HPSE2: variants seen among roughly 807,000 people sequenced by gnomAD.
HPSE2 encodes inactive heparanase-2.
HPSE2 carries 38 observed loss-of-function variants against 60.5 expected under a neutral mutation model. The observed-to-expected ratio is 0.63, with a 90% CI of 0.48 to 0.82. The LOEUF (loss-of-function observed/expected upper bound fraction) is 0.82. Among genes scored for constraint, HPSE2 ranks in the 40% least tolerant of loss-of-function variants. The pLI is 0.00. For missense variants in HPSE2, 713 were observed against 740.4 expected (o/e 0.96, Z 0.43); for synonymous variants, 295 against 293.2 (o/e 1.01, Z -0.06).
the HPSE2 span, among the ~76,000 whole-genome samples, chr10:99,300,435 C>A: frequency 2.6e-5 from 4 of 152,168 alleles, no homozygotes; most frequent in African/African-American, 9.7e-5. Flanking sequence ...TAACCCATTT[C>A]TTAGGGCCAC....
At chr10:98,727,882 T>C (rs1949129800) in intron 4 of HPSE2, among the ~76,000 whole-genome samples, 1 of 152,072 alleles carries the variant, frequency 6.6e-6, no homozygotes, top group African/African-American at 2.4e-5. Context: ...GGCCAGAAGA[T>C]GGTAGGATGA....
intron 3 of HPSE2, among the ~76,000 whole-genome samples, chr10:98,760,359 G>A (rs1001414989): frequency 4.6e-5 from 7 of 152,028 alleles, no homozygotes. Context: ...TGATAAGAAT[G>A]GACATCCTTG....
Position 98,818,337 on chromosome 10 carries a change from C to T in HPSE2, c.611-74281G>A, listed in dbSNP as rs187950733. On this transcript the variant is annotated intron_variant, in intron 3 of 11. Coordinates refer to ENST00000370552, the MANE Select transcript of HPSE2 (RefSeq NM_021828.5). ...ATGATGAAATTGTTCCACCTCCAAT[C>T]GGTAGGCATTAGATTCTCATAAGGA... 1.5e-3 allele frequency among the ~76,000 whole-genome samples: 226 copies of T among 152,284 alleles called. 2 individuals are homozygous for T. Among genetic ancestry groups the T allele is most frequent in the African/African-American group, 5.1e-3 (211 of 41,562 alleles).
chr10:98,637,920 C>T (rs1946538679), intron 7 of HPSE2, among the ~76,000 whole-genome samples: 1 of 151,940 alleles, frequency 6.6e-6, no homozygotes, highest in Non-Finnish European at 1.5e-5. Flanking sequence ...GGGTGGATTG[C>T]CTGAGCTCAA....
chr10:98,960,565 G>A (rs555511199), intron 3 of HPSE2, among the ~76,000 whole-genome samples: 6 of 151,654 alleles, frequency 4.0e-5, no homozygotes, highest in South Asian at 4.2e-4. Context: ...ACCTGAAAAC[G>A]GAAGTTTAAA....
At chr10:98,527,233 C>T (rs1942994675) in intron 9 of HPSE2, among the ~76,000 whole-genome samples, 1 of 152,144 alleles carries the variant, frequency 6.6e-6, no homozygotes, top group African/African-American at 2.4e-5. Flanking sequence ...ATCTACTCTC[C>T]ACAGAGCAGC....
the HPSE2 span, among the ~76,000 whole-genome samples, chr10:99,283,564 T>A: frequency 2.4e-4 from 36 of 151,664 alleles, no homozygotes; most frequent in African/African-American, 7.2e-4. Flanking sequence ...ATATCAAAAA[T>A]TAGTTCTTTG....
intron 3 of HPSE2, among the ~76,000 whole-genome samples, chr10:98,750,803 T>C (rs1949741158): frequency 6.6e-6 from 1 of 152,146 alleles, no homozygotes. Flanking sequence ...GTTTGTAATG[T>C]CCTTAGATGT....
intron 3 of HPSE2, among the ~76,000 whole-genome samples, chr10:98,901,589 GATGGCCA>G (rs1216007494): frequency 6.6e-6 from 1 of 152,126 alleles, no homozygotes; most frequent in East Asian, 1.9e-4. Flanking sequence ...ACTTCCCTCT[GATGGCCA>G]TATTTGGCCA....
intron 3 of HPSE2, among the ~76,000 whole-genome samples, chr10:99,027,246 G>A: frequency 6.8e-6 from 1 of 148,126 alleles, no homozygotes. Context: ...AAGGAGAGAA[G>A]ATCCAAATAA....
chr10:98,874,048 T>G (rs1370208969), intron 3 of HPSE2, among the ~76,000 whole-genome samples: 1 of 152,130 alleles, frequency 6.6e-6, no homozygotes, highest in African/African-American at 2.4e-5. Flanking sequence ...TTGCCTACTT[T>G]TTGATGGAGT....
intron 9 of HPSE2, among the ~76,000 whole-genome samples, chr10:98,585,725 G>A (rs1365517744): frequency 6.6e-6 from 1 of 151,740 alleles, no homozygotes; most frequent in Non-Finnish European, 1.5e-5. Context: ...GCCGAGGTGG[G>A]TGGATCACCT....
intron 6 of HPSE2, among the ~76,000 whole-genome samples, chr10:98,686,373 C>T (rs928313155): frequency 6.6e-6 from 1 of 151,926 alleles, no homozygotes; most frequent in Non-Finnish European, 1.5e-5. Context: ...AGTTTTCTAC[C>T]TTTTCTCATG....
At chr10:98,587,238 G>A (rs1341986485) in intron 9 of HPSE2, among the ~76,000 whole-genome samples, 1 of 152,106 alleles carries the variant, frequency 6.6e-6, no homozygotes, top group Non-Finnish European at 1.5e-5. Context: ...CTCACTCATT[G>A]TTTAGTGAGT....
intron 3 of HPSE2, among the ~76,000 whole-genome samples, chr10:98,924,970 A>G (rs1270368708): frequency 6.6e-6 from 1 of 152,172 alleles, no homozygotes; most frequent in Non-Finnish European, 1.5e-5. Context: ...GCTGAGCTCA[A>G]TACAGCTTTA....
At chr10:99,160,759 C>T (rs958438370) in intron 2 of HPSE2, among the ~76,000 whole-genome samples, 21 of 151,060 alleles carry the variant, frequency 1.4e-4, no homozygotes, top group African/African-American at 3.9e-4. Flanking sequence ...ATTAGCCGGG[C>T]GTAGTGGCGG....
the HPSE2 span, among the ~76,000 whole-genome samples, chr10:99,291,329 T>A: frequency 6.6e-6 from 1 of 152,186 alleles, no homozygotes; most frequent in East Asian, 1.9e-4. Context: ...CTCACGCCTG[T>A]AATCCCAGCA....
chr10:99,246,482 C>G, the HPSE2 span, among the ~76,000 whole-genome samples: 2 of 152,238 alleles, frequency 1.3e-5, no homozygotes, highest in African/African-American at 4.8e-5. Flanking sequence ...CGTGATGGCT[C>G]ATGCCCGTAA....
At chr10:99,025,724 A>G (rs973046975) in intron 3 of HPSE2, among the ~76,000 whole-genome samples, 45 of 152,176 alleles carry the variant, frequency 3.0e-4, no homozygotes, top group African/African-American at 1.0e-3. Context: ...GAAGAGGGAG[A>G]GGAGAGAGGA....
Sources: gnomAD v4.1 joint callset for allele counts (sites outside exome capture counted in the v4.1 genomes callset) on GRCh38, gnomAD v4.1.1 for gene constraint, MANE v1.5 for transcripts, NCBI Gene and HGNC (gene_info 2026-07-23, HGNC 2026-07-21) for gene names.